PLS1: variants seen among roughly 807,000 people sequenced by gnomAD.
PLS1 encodes the protein plastin-1.
PLS1 carries 32 observed loss-of-function variants against 73.7 expected under a neutral mutation model. The observed-to-expected ratio is 0.43, with a 90% confidence interval of 0.33 to 0.58. PLS1 has a LOEUF of 0.58. Ranked by LOEUF, PLS1 falls within the 20% of genes least tolerant of loss-of-function variation. The pLI is 0.04. For missense variants in PLS1, 633 were observed against 740.5 expected, an observed-to-expected ratio of 0.85 and a Z score of 1.68; for synonymous variants, 217 against 261.3, an observed-to-expected ratio of 0.83 and a Z score of 1.63.
At chr3:142,636,534 C>T (rs747011512) in intron 1 of PLS1, among the ~76,000 whole-genome samples, 5 of 152,132 alleles carry the variant, frequency 3.3e-5, no homozygotes, top group Non-Finnish European at 5.9e-5. Context: ...TTCAAAGATA[C>T]AACGCCAAAA....
intron 14 of PLS1, among the ~76,000 whole-genome samples, chr3:142,709,083 A>G (rs1276862857): frequency 6.6e-6 from 1 of 152,262 alleles, no homozygotes; most frequent in African/African-American, 2.4e-5. Flanking sequence ...ATATACATAT[A>G]TGAAAGGTAA....
intron 1 of PLS1, among the ~76,000 whole-genome samples, chr3:142,614,269 G>T (rs901748065): frequency 7.2e-5 from 11 of 152,214 alleles, no homozygotes; most frequent in African/African-American, 2.4e-4. Context: ...TCAGCTCAGG[G>T]ATAGCTCAGG....
At chr3:142,672,894 G>A (rs6770411) in intron 4 of PLS1, among the ~76,000 whole-genome samples, 9,497 of 152,096 alleles carry the variant, frequency 0.062, 975 homozygotes, top group African/African-American at 0.22. Context: ...CACCAAAGAA[G>A]AACACTATAT....
Position 142,626,044 on chromosome 3 carries a change from G to A in PLS1, c.-37+29535G>A, listed in dbSNP as rs111322441. The stretch of plus-strand genomic sequence containing the variant: ...TACTCAGGAGGCTGTGTCTTGCTAT[G>A]TTGCCCAGGCTGGGATTACAGGCAT... On this transcript the variant is annotated intron_variant, in intron 1 of 15. Transcript: ENST00000457734. 8.2e-3 allele frequency among the ~76,000 whole-genome samples: 1,254 copies of A among 152,292 alleles called. 20 individuals are homozygous for A. The highest frequency in any genetic ancestry group is 0.028 in the African/African-American group (1,156 of 41,564).
At chr3:142,655,144 A>T (rs1454512050) in intron 1 of PLS1, among the ~76,000 whole-genome samples, 1 of 152,196 alleles carries the variant, frequency 6.6e-6, no homozygotes, top group Non-Finnish European at 1.5e-5. Flanking sequence ...GAATAAATTA[A>T]TGTACATGAA....
intron 4 of PLS1, among the ~76,000 whole-genome samples, chr3:142,672,456 C>T (rs573221153): frequency 3.3e-5 from 5 of 151,046 alleles, no homozygotes; most frequent in Non-Finnish European, 7.4e-5. Context: ...CATTCTCTTG[C>T]CTCAGCCTCC....
At chr3:142,657,928 CT>C (rs2037277481) in intron 1 of PLS1, among the ~76,000 whole-genome samples, 1 of 152,114 alleles carries the variant, frequency 6.6e-6, no homozygotes, top group Non-Finnish European at 1.5e-5. Context: ...AAAATTTCCC[CT>C]GTTCAAAAAC....
intron 4 of PLS1, among the ~76,000 whole-genome samples, chr3:142,672,943 C>T (rs954298116): frequency 3.9e-4 from 60 of 152,302 alleles, no homozygotes; most frequent in African/African-American, 1.4e-3. Flanking sequence ...TTCCCGAAGG[C>T]TCTGCAACCA....
chr3:142,681,579 C>T (rs2037858073), intron 6 of PLS1, among the ~76,000 whole-genome samples: 2 of 152,202 alleles, frequency 1.3e-5, no homozygotes, highest in African/African-American at 2.4e-5. Context: ...CCTAAGAAGG[C>T]AGGGCCACCT....
intron 1 of PLS1, among the ~76,000 whole-genome samples, chr3:142,630,956 C>CACACACAT (rs2036545439): frequency 6.6e-6 from 1 of 151,822 alleles, no homozygotes; most frequent in South Asian, 2.1e-4. Flanking sequence ...CACACACACA[C>CACACACAT]ACACACACAC....
chr3:142,694,759 G>A (rs144598878), intron 11 of PLS1, among the ~76,000 whole-genome samples: 5 of 152,128 alleles, frequency 3.3e-5, no homozygotes, highest in East Asian at 1.9e-4. Context: ...GATGATATAC[G>A]TAAATCAGTA....
At chr3:142,615,426 G>A (rs780226605) in intron 1 of PLS1, among the ~76,000 whole-genome samples, 2 of 152,080 alleles carry the variant, frequency 1.3e-5, no homozygotes, top group Non-Finnish European at 1.5e-5. Context: ...TTATATTCCC[G>A]ATCATTCCAC....
chr3:142,687,352 A>C lies in PLS1; in HGVS notation c.981+976A>C, dbSNP rs537725130. 1.1e-4 allele frequency among the ~76,000 whole-genome samples: 17 copies of C among 152,352 alleles called. No individual in the cohort carries two copies. The South Asian group carries it at 3.3e-3, about 30-fold the overall frequency. On this transcript the variant is annotated intron_variant, in intron 9 of 15. Coordinates refer to ENST00000457734, the MANE Select transcript of PLS1 (RefSeq NM_001145319.2). ...CGTGGGTTGGACAAACTTGAATTCTAAACATTAAAATTTGGTCAGATAATA... is the reference window on the plus strand; with the variant it reads ...CGTGGGTTGGACAAACTTGAATTCTCAACATTAAAATTTGGTCAGATAATA...
At chr3:142,628,341 GCGCGCACA>G (rs1228547906) in intron 1 of PLS1, among the ~76,000 whole-genome samples, 2 of 28,880 alleles carry the variant, frequency 6.9e-5, no homozygotes, top group African/African-American at 1.7e-3. Flanking sequence ...GTGTGTGTGT[GCGCGCACA>G]TGTGCATGCA....
chr3:142,651,923 C>T (rs1284678936), intron 1 of PLS1, among the ~76,000 whole-genome samples: 1 of 152,192 alleles, frequency 6.6e-6, no homozygotes, highest in Non-Finnish European at 1.5e-5. Flanking sequence ...TGTCAGAGCC[C>T]TTCCAATCCC....
chr3:142,667,693 T>G (rs2037509437), intron 2 of PLS1, among the ~76,000 whole-genome samples: 1 of 152,214 alleles, frequency 6.6e-6, no homozygotes, highest in Non-Finnish European at 1.5e-5. Context: ...CTAATCCTGT[T>G]AGTTTAACAT....
chr3:142,694,694 C>G (rs1000436412), intron 11 of PLS1, 147 bp downstream of exon 11: 2 of 538,742 alleles, frequency 3.7e-6, no homozygotes, highest in Non-Finnish European at 6.6e-6. Context: ...ATTGGCAATA[C>G]AATGGATTTT....
At chr3:142,704,369 C>A in intron 13 of PLS1, 94 bp from the exon 14 acceptor site, 1 of 960,224 alleles carries the variant, frequency 1.0e-6, no homozygotes, top group Non-Finnish European at 1.5e-6. Context: ...TAGAACTGAA[C>A]TATTTCTTAA....
intron 1 of PLS1, among the ~76,000 whole-genome samples, chr3:142,609,467 A>G (rs1218454686): frequency 6.6e-6 from 1 of 152,232 alleles, no homozygotes; most frequent in South Asian, 2.1e-4. Flanking sequence ...TAGAGTGACA[A>G]ATATCACTTT....
Sources: allele counts gnomAD v4.1 joint callset (sites outside exome capture counted in the v4.1 genomes callset), GRCh38; gene constraint gnomAD v4.1.1; transcripts MANE v1.5; gene names NCBI Gene and HGNC (gene_info 2026-07-23, HGNC 2026-07-21).